SLC35F2: variants seen among roughly 807,000 people sequenced by gnomAD.
SLC35F2 encodes the protein queuine/queuosine transporter SLC35F2.
In SLC35F2, 25 loss-of-function variants were observed where a neutral mutation model predicts 38.1. The observed-to-expected ratio is 0.66, with a 90% confidence interval of 0.48 to 0.92. The LOEUF (loss-of-function observed/expected upper bound fraction) is 0.92, where lower values mean the gene tolerates loss of function less well. Ranked by LOEUF, SLC35F2 falls within the 40% of genes least tolerant of loss-of-function variation. SLC35F2 has a pLI of 0.00. For synonymous variants in SLC35F2, 173 were observed against 181.7 expected (o/e 0.95, Z 0.38); for missense variants, 409 against 452.9 (o/e 0.90, Z 0.88).
intron 3 of SLC35F2, chr11:107,810,042 A>C (rs1476431862): frequency 3.0e-6 from 3 of 985,334 alleles, no homozygotes; most frequent in Non-Finnish European, 2.4e-6. Context: ...GGAATCCTTA[A>C]GAAGAAGGTT....
chr11:107,836,596 A>G (rs949616576), intron 1 of SLC35F2, among the ~76,000 whole-genome samples: 1 of 152,202 alleles, frequency 6.6e-6, no homozygotes, highest in Non-Finnish European at 1.5e-5. Flanking sequence ...GAGAGATGCA[A>G]CGTTGCTAGC....
At chr11:107,810,271 T>C in intron 3 of SLC35F2, 1 of 985,416 alleles carries the variant, frequency 1.0e-6, no homozygotes, top group Non-Finnish European at 1.2e-6. Context: ...GAGGCTAGCG[T>C]GAAAGAAATT....
At chr11:107,851,159 A>C (rs1282321430) in intron 1 of SLC35F2, among the ~76,000 whole-genome samples, 1 of 151,964 alleles carries the variant, frequency 6.6e-6, no homozygotes, top group Non-Finnish European at 1.5e-5. Flanking sequence ...GCTACTCAGG[A>C]GGCTGAAGCA....
chr11:107,825,627 C>T (rs1859743377), intron 1 of SLC35F2, among the ~76,000 whole-genome samples: 2 of 151,980 alleles, frequency 1.3e-5, no homozygotes, highest in Admixed American at 1.3e-4. Context: ...CCTCGGCCCC[C>T]CAAAGTTGTT....
At chr11:107,800,029 C>G (rs1313006373) in intron 7 of SLC35F2, among the ~76,000 whole-genome samples, 1 of 150,400 alleles carries the variant, frequency 6.6e-6, no homozygotes, top group Non-Finnish European at 1.5e-5. Context: ...GCTGGGATTA[C>G]AGGCGTATGC....
At chr11:107,817,234 C>T (rs1328126827) in intron 1 of SLC35F2, among the ~76,000 whole-genome samples, 1 of 151,672 alleles carries the variant, frequency 6.6e-6, no homozygotes, top group Admixed American at 6.6e-5. Flanking sequence ...CGAGACTGTA[C>T]CACTGCATTC....
intron 1 of SLC35F2, among the ~76,000 whole-genome samples, chr11:107,839,357 A>G (rs1393507614): frequency 6.6e-6 from 1 of 152,158 alleles, no homozygotes; most frequent in Non-Finnish European, 1.5e-5. Context: ...GCTACTCAAG[A>G]GGCTGAGGTG....
At chr11:107,858,390 C>CA (rs11380459) in intron 1 of SLC35F2, 134,829 of 309,836 alleles carry the variant, frequency 0.44, 29,951 homozygotes, top group Admixed American at 0.54. Context: ...CTAATAGTGC[C>CA]ACAGGGTGGG....
At chr11:107,833,518 C>CAAAAAAAACAAAAAAAA (rs1859883548) in intron 1 of SLC35F2, among the ~76,000 whole-genome samples, 1 of 89,566 alleles carries the variant, frequency 1.1e-5, no homozygotes, top group African/African-American at 4.9e-5. Context: ...GACTCTGTCT[C>CAAAAAAAACAAAAAAAA]AAAAAAAAAA....
At chr11:107,824,682 AC>A (rs936158942) in intron 1 of SLC35F2, among the ~76,000 whole-genome samples, 1 of 152,170 alleles carries the variant, frequency 6.6e-6, no homozygotes, top group Non-Finnish European at 1.5e-5. Flanking sequence ...GTGTAATACC[AC>A]CTTTATGCGC....
chr11:107,819,054 C>T (rs1286487448), intron 1 of SLC35F2, among the ~76,000 whole-genome samples: 1 of 152,156 alleles, frequency 6.6e-6, no homozygotes, highest in Non-Finnish European at 1.5e-5. Flanking sequence ...TGATGGGAGC[C>T]ATCTAAGGCA....
At chr11:107,793,203 C>A (rs1859162269) in intron 7 of SLC35F2, among the ~76,000 whole-genome samples, 1 of 152,242 alleles carries the variant, frequency 6.6e-6, no homozygotes, top group Non-Finnish European at 1.5e-5. Context: ...CAGGCGTGGG[C>A]CGCCATGCCT....
rs60909049 is a variant in SLC35F2, at chr11:107,804,355, T to C, written c.784+363A>G. Among the ~76,000 whole-genome samples, 178 of 152,234 alleles carry C rather than the reference T, an allele frequency of 1.2e-3. 1 individual carries two copies. In the East Asian group the frequency reaches 0.031, roughly 26 times the overall value. ...GGGAGGTGAGGGAGATTTCACACCATTGATGATTCAGGTTAATGCTTCACA... is the reference window on the plus strand; with the variant it reads ...GGGAGGTGAGGGAGATTTCACACCACTGATGATTCAGGTTAATGCTTCACA... On this transcript the variant is annotated intron_variant, in intron 6 of 7. Transcript: ENST00000525815.
At chr11:107,852,419 C>T (rs545259296) in intron 1 of SLC35F2, among the ~76,000 whole-genome samples, 12 of 152,144 alleles carry the variant, frequency 7.9e-5, no homozygotes, top group Admixed American at 3.9e-4. Flanking sequence ...GGTGTGGTGA[C>T]AGGCACCTGT....
At chr11:107,813,856 A>C (rs1455802993) in intron 2 of SLC35F2, among the ~76,000 whole-genome samples, 1 of 151,908 alleles carries the variant, frequency 6.6e-6, no homozygotes, top group Non-Finnish European at 1.5e-5. Context: ...GTAGAGAAGG[A>C]GTTTCATCGT....
chr11:107,837,923 C>G (rs576684185), intron 1 of SLC35F2, among the ~76,000 whole-genome samples: 3 of 147,680 alleles, frequency 2.0e-5, no homozygotes, highest in Middle Eastern at 3.5e-3. Flanking sequence ...ACCTTATACA[C>G]ACATAGTCTC....
intron 6 of SLC35F2, chr11:107,803,528 AC>A: frequency 2.0e-6 from 2 of 983,826 alleles, no homozygotes; most frequent in Non-Finnish European, 2.4e-6. Context: ...AAGAAAAATC[AC>A]TCATTATGTT....
intron 7 of SLC35F2, 120 bp downstream of exon 7, chr11:107,802,881 A>G (rs977994379): frequency 1.0e-5 from 10 of 990,734 alleles, no homozygotes; most frequent in Non-Finnish European, 1.4e-5. Context: ...GGCCTGACCA[A>G]TGAAATTCTT....
At chr11:107,802,417 C>T (rs1476038595) in intron 7 of SLC35F2, among the ~76,000 whole-genome samples, 1 of 152,112 alleles carries the variant, frequency 6.6e-6, no homozygotes, top group South Asian at 2.1e-4. Flanking sequence ...AGAATTAGTA[C>T]AGGTAATAGG....
Sources: allele counts gnomAD v4.1 joint callset (sites outside exome capture counted in the v4.1 genomes callset), GRCh38; gene constraint gnomAD v4.1.1; transcripts MANE v1.5; gene names NCBI Gene and HGNC (gene_info 2026-07-23, HGNC 2026-07-21).